The following LRBA variants were observed in gnomAD, a reference collection of about 807,000 sequenced individuals.
LRBA encodes LPS responsive beige-like anchor protein.
LRBA carries 176 observed loss-of-function variants against 330.0 expected under a neutral mutation model. The ratio of observed to expected loss-of-function variants is 0.53; its 90% confidence interval spans 0.47 to 0.60. LRBA has a LOEUF of 0.60. Ranked by LOEUF, LRBA falls within the 20% of genes least tolerant of loss-of-function variation. LRBA has a pLI of 0.00. For synonymous variants in LRBA, 1,230 were observed against 1,193.0 expected (o/e 1.03, Z -0.64); for missense variants, 3,259 against 3,444.8 (o/e 0.95, Z 1.35).
intron 37 of LRBA, among the ~76,000 whole-genome samples, chr4:150,657,585 A>T (rs1224553129): frequency 6.6e-6 from 1 of 152,036 alleles, no homozygotes; most frequent in Admixed American, 6.5e-5. Context: ...TTTATATATA[A>T]AGTTTTAAAA....
chr4:150,552,872 A>T (rs1766784682), intron 40 of LRBA, among the ~76,000 whole-genome samples: 1 of 151,836 alleles, frequency 6.6e-6, no homozygotes, highest in Non-Finnish European at 1.5e-5. Context: ...GATCGAGACC[A>T]TCCTGGATAG....
At chr4:150,770,929 C>T (rs1004193703) in intron 34 of LRBA, among the ~76,000 whole-genome samples, 1 of 152,130 alleles carries the variant, frequency 6.6e-6, no homozygotes, top group Non-Finnish European at 1.5e-5. Flanking sequence ...CATACTCTTC[C>T]TTACTTTTAT....
intron 40 of LRBA, among the ~76,000 whole-genome samples, chr4:150,559,894 AT>A (rs1561352612): frequency 6.2e-5 from 3 of 48,242 alleles, no homozygotes; most frequent in Non-Finnish European, 1.1e-4. Context: ...ATTATATATA[AT>A]TATATATAAT....
intron 40 of LRBA, among the ~76,000 whole-genome samples, chr4:150,558,752 T>C (rs1324264586): frequency 6.6e-6 from 1 of 152,218 alleles, no homozygotes; most frequent in African/African-American, 2.4e-5. Flanking sequence ...CCAATCCATG[T>C]ATACACACCT....
chr4:150,304,346 A>C (rs1024590104), intron 52 of LRBA, among the ~76,000 whole-genome samples: 4 of 152,122 alleles, frequency 2.6e-5, no homozygotes, highest in African/African-American at 9.7e-5. Context: ...GAAGGCTGAA[A>C]ATTTAGAAAT....
chr4:150,286,085 T>A, intron 53 of LRBA, 51 bp from the exon 54 acceptor site: 1 of 1,239,054 alleles, frequency 8.1e-7, no homozygotes, highest in South Asian at 1.4e-5. Context: ...TTCATGCATA[T>A]TAAATAATCA....
chr4:150,575,855 T>C (rs1235825824), intron 40 of LRBA, among the ~76,000 whole-genome samples: 1 of 151,888 alleles, frequency 6.6e-6, no homozygotes, highest in East Asian at 1.9e-4. Flanking sequence ...AAACAAAAGA[T>C]ATCACACCTT....
At chr4:150,610,041 A>C (rs553988934) in intron 37 of LRBA, among the ~76,000 whole-genome samples, 1 of 152,290 alleles carries the variant, frequency 6.6e-6, no homozygotes, top group African/African-American at 2.4e-5. Context: ...CCAGATTTTC[A>C]CCTGATTGTT....
At chr4:150,858,730 G>A (rs896104673) in intron 22 of LRBA, among the ~76,000 whole-genome samples, 2 of 152,140 alleles carry the variant, frequency 1.3e-5, no homozygotes, top group South Asian at 2.1e-4. Context: ...GTTTCACCAC[G>A]TTGACCAGGC....
intron 28 of LRBA, among the ~76,000 whole-genome samples, chr4:150,843,850 T>C (rs1749457042): frequency 6.6e-6 from 1 of 152,190 alleles, no homozygotes; most frequent in Admixed American, 6.5e-5. Context: ...GTATATCACT[T>C]AGACTGCTTA....
At chr4:150,754,089 T>C (rs1386323439) in intron 35 of LRBA, among the ~76,000 whole-genome samples, 4 of 150,062 alleles carry the variant, frequency 2.7e-5, no homozygotes, top group Admixed American at 2.7e-4. Flanking sequence ...AAGTAACCAT[T>C]GAAAAATCAT....
Position 150,851,998 on chromosome 4 carries a change from C to T in LRBA, c.3712G>A (p.Glu1238Lys), listed in dbSNP as rs80118841. 6.2e-7 allele frequency: 1 copy of T among 1,613,976 alleles called. No homozygotes were observed. Among genetic ancestry groups the T allele is most frequent in the Non-Finnish European group, 8.5e-7 (1 of 1,180,002 alleles). Reference protein sequence around the residue: ...CHGSVSEASSEQKIAKLDVSN... With the variant: ...CHGSVSEASSKQKIAKLDVSN... ...ACATCCAACTTCGCAATCTTTTGCT[C>T]AGAAGAAGCCTCAGAGACACTACCA... Residue 1238 changes from glutamate to lysine, a missense_variant, in exon 23 of 57, where the codon GAG (glutamate) becomes AAG (lysine). Glu to Lys is a moderately conservative substitution (Grantham distance 56). Coordinates refer to ENST00000651943, the MANE Select transcript of LRBA (RefSeq NM_001364905.1).
chr4:150,781,290 C>A (rs374571647), intron 34 of LRBA, among the ~76,000 whole-genome samples: 8 of 152,216 alleles, frequency 5.3e-5, no homozygotes, highest in Admixed American at 5.2e-4. Flanking sequence ...ACTAGACAGT[C>A]CCATCTGGGG....
intron 29 of LRBA, among the ~76,000 whole-genome samples, chr4:150,831,345 T>C (rs1419028186): frequency 6.6e-6 from 1 of 152,192 alleles, no homozygotes; most frequent in Non-Finnish European, 1.5e-5. Context: ...CATGAATATA[T>C]ACCCAAGTAT....
intron 30 of LRBA, among the ~76,000 whole-genome samples, chr4:150,826,794 T>G (rs1746346696): frequency 6.6e-6 from 1 of 152,112 alleles, no homozygotes; most frequent in African/African-American, 2.4e-5. Flanking sequence ...ATGGCATTCT[T>G]AGGAAACAAC....
intron 56 of LRBA, among the ~76,000 whole-genome samples, chr4:150,276,496 A>G (rs927544243): frequency 1.3e-5 from 2 of 152,250 alleles, no homozygotes; most frequent in Admixed American, 1.3e-4. Flanking sequence ...CAGGTAGGCT[A>G]CAGAATTGGA....
chr4:150,477,921 C>T (rs992653126), intron 42 of LRBA, among the ~76,000 whole-genome samples: 1 of 152,060 alleles, frequency 6.6e-6, no homozygotes, highest in Non-Finnish European at 1.5e-5. Context: ...TAAATTACCC[C>T]GTTTCAGGTA....
At chr4:150,562,417 T>A (rs1359582851) in intron 40 of LRBA, among the ~76,000 whole-genome samples, 1 of 152,196 alleles carries the variant, frequency 6.6e-6, no homozygotes, top group African/African-American at 2.4e-5. Flanking sequence ...ACAAGTATAC[T>A]CTCATTGCTA....
chr4:150,644,798 T>C (rs957613387), intron 37 of LRBA, among the ~76,000 whole-genome samples: 1 of 151,878 alleles, frequency 6.6e-6, no homozygotes, highest in Non-Finnish European at 1.5e-5. Flanking sequence ...TGAAGTGGAA[T>C]CTGCTAGGAT....
Sources: gnomAD v4.1 joint callset for allele counts (sites outside exome capture counted in the v4.1 genomes callset) on GRCh38, gnomAD v4.1.1 for gene constraint, MANE v1.5 for transcripts, NCBI Gene and HGNC (gene_info 2026-07-23, HGNC 2026-07-21) for gene names.